SYTL5: variants seen among roughly 807,000 people sequenced by gnomAD.
SYTL5 encodes synaptotagmin like 5, also known as synaptotagmin-like protein 5.
Under a neutral mutation model 55.9 loss-of-function variants are expected in SYTL5, and 34 were observed. That is an observed-to-expected ratio of 0.61 (90% CI 0.46 to 0.81). The LOEUF (loss-of-function observed/expected upper bound fraction) is 0.81. Among genes scored for constraint, SYTL5 ranks in the 30% least tolerant of loss-of-function variants. The pLI, the probability that SYTL5 is intolerant of heterozygous loss-of-function variation, is 0.00. For synonymous variants in SYTL5, 221 were observed against 188.7 expected, an observed-to-expected ratio of 1.17 and a Z score of -1.40; for missense variants, 637 against 546.7, an observed-to-expected ratio of 1.17 and a Z score of -1.65.
the SYTL5 span, among the ~76,000 whole-genome samples, chrX:37,928,109 T>C: frequency 1.8e-5 from 2 of 112,377 alleles, no homozygotes; most frequent in Non-Finnish European, 3.8e-5. Context: ...GCATTACATA[T>C]ATACCTGTCC....
In SYTL5 at chrX:38,073,659, C is replaced by A; in HGVS notation, c.515C>A (p.Ala172Asp). The change falls in exon 5 of 17, where the codon GCT becomes GAT. Residue 172 changes from alanine (A) to aspartate (D), a missense_variant. Physicochemically the swap from Ala to Asp is moderately radical, Grantham distance 126 (BLOSUM62 -2). Transcript: ENST00000297875. The stretch of plus-strand genomic sequence containing the variant: ...GAAAAGTCAGACACTTCACCTGTTG[C>A]TGGGAAGAAGGCCAGCCATGATGGG... ...DAEKSDTSPV[A>D]GKKASHDGPK... 1 of 1,200,388 alleles carries A rather than the reference C, an allele frequency of 8.3e-7. No individual in the cohort carries two copies. The highest frequency in any genetic ancestry group is 1.1e-6 in the Non-Finnish European group (1 of 889,771).
At chrX:37,910,966 A>ATTTTTTTTT in the SYTL5 span, among the ~76,000 whole-genome samples, 2 of 76,667 alleles carry the variant, frequency 2.6e-5, no homozygotes, top group Non-Finnish European at 4.7e-5. Flanking sequence ...TGATAGCATT[A>ATTTTTTTTT]CTTTTTTTTT....
chrX:37,908,130 A>C, the SYTL5 span, among the ~76,000 whole-genome samples: 1 of 108,989 alleles, frequency 9.2e-6, no homozygotes, highest in African/African-American at 3.3e-5. Flanking sequence ...AGAAAAAAAA[A>C]AAAAACAAAG....
intron 2 of SYTL5, among the ~76,000 whole-genome samples, chrX:38,047,343 A>G (rs1935494858): frequency 8.9e-6 from 1 of 112,797 alleles, no homozygotes; most frequent in Admixed American, 9.3e-5. Context: ...CCCAAACCCC[A>G]ATTCTTGACT....
At chrX:37,933,712 A>T in the SYTL5 span, among the ~76,000 whole-genome samples, 1 of 112,139 alleles carries the variant, frequency 8.9e-6, no homozygotes, top group Non-Finnish European at 1.9e-5. Flanking sequence ...TGAAATGTCC[A>T]TGGGGGCTTC....
intron 9 of SYTL5, among the ~76,000 whole-genome samples, chrX:38,100,856 G>T (rs1937066911): frequency 9.0e-6 from 1 of 110,913 alleles, no homozygotes; most frequent in Non-Finnish European, 1.9e-5. Context: ...GTATACTGTG[G>T]TGTGTGTATA....
intron 10 of SYTL5, among the ~76,000 whole-genome samples, chrX:38,105,543 T>C (rs1316603413): frequency 1.8e-5 from 2 of 112,033 alleles, no homozygotes; most frequent in East Asian, 5.6e-4. Context: ...AGGAGGCAGT[T>C]AGATATGCAC....
At chrX:38,038,217 C>T (rs991736793) in intron 2 of SYTL5, among the ~76,000 whole-genome samples, 4 of 111,833 alleles carry the variant, frequency 3.6e-5, no homozygotes, top group African/African-American at 1.3e-4. Flanking sequence ...CCCAGTGGTC[C>T]AGTTAAGTTG....
At chrX:37,922,400 A>AT in the SYTL5 span, among the ~76,000 whole-genome samples, 2 of 112,233 alleles carry the variant, frequency 1.8e-5, no homozygotes, top group African/African-American at 6.5e-5. Context: ...ATAAAACAAA[A>AT]TTATTATGAC....
the SYTL5 span, among the ~76,000 whole-genome samples, chrX:37,941,613 A>G: frequency 8.9e-6 from 1 of 111,900 alleles, no homozygotes; most frequent in Non-Finnish European, 1.9e-5. Flanking sequence ...AGTAGCCTTT[A>G]ACCAATGACT....
intron 10 of SYTL5, among the ~76,000 whole-genome samples, chrX:38,104,441 C>T (rs1178730870): frequency 8.9e-6 from 1 of 111,848 alleles, no homozygotes; most frequent in Admixed American, 9.5e-5. Flanking sequence ...ACCTGCTAAA[C>T]ATGAAAATTC....
At chrX:37,991,200 G>T in the SYTL5 span, 1 of 1,203,918 alleles carries the variant, frequency 8.3e-7, no homozygotes, top group Non-Finnish European at 1.1e-6. Context: ...CTGAAGACTG[G>T]GTCCCAGAGC....
the SYTL5 span, among the ~76,000 whole-genome samples, chrX:37,915,484 T>G: frequency 6.3e-5 from 7 of 111,902 alleles, no homozygotes; most frequent in East Asian, 1.1e-3. Context: ...AGCAATTGTG[T>G]GGTATAGTAC....
At chrX:37,930,940 G>A in the SYTL5 span, among the ~76,000 whole-genome samples, 7 of 111,846 alleles carry the variant, frequency 6.3e-5, no homozygotes, top group Non-Finnish European at 1.3e-4. Flanking sequence ...GTTGTCTCAT[G>A]TTTGTTAACA....
intron 15 of SYTL5, among the ~76,000 whole-genome samples, chrX:38,124,553 A>T (rs2064800): frequency 0.3 from 33,286 of 111,172 alleles, 5,167 homozygotes; most frequent in African/African-American, 0.59. Context: ...CAGTGTTTTG[A>T]CCATAGTCGA....
In SYTL5 at chrX:38,125,519, G is replaced by A. The variant is rs1308233366; in HGVS notation, c.2050+13G>A. Reference sequence around the variant, plus strand: ...AATTCTGGAAGTGGTGAGGGATTTGGGGACCCACAGGGATGGTCTGTGACT... The same window carrying A: ...AATTCTGGAAGTGGTGAGGGATTTGAGGACCCACAGGGATGGTCTGTGACT... On this transcript the variant is annotated intron_variant, in intron 16 of 16. Coordinates refer to ENST00000297875, the MANE Select transcript of SYTL5 (RefSeq NM_138780.3). The A allele has an allele frequency of 1.7e-6, 2 of 1,185,631 alleles. No homozygotes were observed. Among genetic ancestry groups the A allele is most frequent in the South Asian group, 3.6e-5 (2 of 56,031 alleles).
chrX:38,030,203 A>G (rs1003425372), intron 1 of SYTL5, among the ~76,000 whole-genome samples: 1 of 111,647 alleles, frequency 9.0e-6, no homozygotes, highest in African/African-American at 3.3e-5. Context: ...CCCCAAAAGT[A>G]TATTTCCTAC....
Position 38,128,808 on chromosome X carries a change from T to A in SYTL5, c.*2078T>A, listed in dbSNP as rs1300520913. The A allele has an allele frequency of 8.9e-6, 1 of 111,944 alleles. No individual in the cohort carries two copies. Among genetic ancestry groups the A allele is most frequent in the Non-Finnish European group, 1.9e-5 (1 of 53,179 alleles). 9.2% of individuals were successfully genotyped at this position (111,944 alleles called of 1,213,427 possible). On this transcript the variant is annotated 3_prime_UTR_variant, in exon 17 of 17. Coordinates refer to ENST00000297875, the MANE Select transcript of SYTL5 (RefSeq NM_138780.3). ...TAGGAAAAATAAAATGTCTTCAGACTTGATGTGACTCATTCTGTCTTCAGT... is the reference window on the plus strand; with the variant it reads ...TAGGAAAAATAAAATGTCTTCAGACATGATGTGACTCATTCTGTCTTCAGT...
the SYTL5 span, among the ~76,000 whole-genome samples, chrX:37,923,415 A>T: frequency 9.0e-6 from 1 of 111,122 alleles, no homozygotes. Context: ...TTCATTTATT[A>T]CTCTGAAGAG....
Sources: allele counts gnomAD v4.1 joint callset (sites outside exome capture counted in the v4.1 genomes callset), GRCh38; gene constraint gnomAD v4.1.1; transcripts MANE v1.5; gene names NCBI Gene and HGNC (gene_info 2026-07-23, HGNC 2026-07-21).